VSTM1: variants seen among roughly 807,000 people sequenced by gnomAD.
VSTM1 encodes V-set and transmembrane domain containing 1, also known as V-set and transmembrane domain-containing protein 1.
A neutral mutation model predicts 33.1 loss-of-function variants in VSTM1; 27 were observed. The observed-to-expected ratio is 0.82, with a 90% confidence interval of 0.60 to 1.12. The LOEUF is 1.12. VSTM1 is among the 50% of genes most tolerant of loss of function. The pLI, the probability that VSTM1 is intolerant of heterozygous loss-of-function variation, is 0.00. For synonymous variants in VSTM1, 115 were observed against 110.3 expected (o/e 1.04, Z -0.27); for missense variants, 304 against 288.9 (o/e 1.05, Z -0.38).
At chr19:54,041,651 G>C (rs1274177491) in intron 8 of VSTM1, 128 bp downstream of exon 8, 2 of 1,090,676 alleles carry the variant, frequency 1.8e-6, no homozygotes, top group Non-Finnish European at 2.6e-6. Context: ...GGGGAGTTTC[G>C]TGACTTGTCT....
intron 4 of VSTM1, among the ~76,000 whole-genome samples, chr19:54,045,772 T>A (rs57745388): frequency 1.3e-5 from 2 of 151,910 alleles, no homozygotes; most frequent in South Asian, 4.1e-4. Flanking sequence ...TGTATCTATC[T>A]GTGTATCTGT....
intron 4 of VSTM1, among the ~76,000 whole-genome samples, chr19:54,045,741 T>C (rs2070547365): frequency 6.6e-6 from 1 of 152,194 alleles, no homozygotes; most frequent in Non-Finnish European, 1.5e-5. Flanking sequence ...CTTGCAACTC[T>C]ATCACCTATC....
chr19:54,042,106 C>CCAAT, intron 6 of VSTM1, 63 bp downstream of exon 6: 1 of 1,603,090 alleles, frequency 6.2e-7, no homozygotes, highest in Non-Finnish European at 8.5e-7. Flanking sequence ...CCCGGATGTG[C>CCAAT]CAATGGGTTC....
intron 4 of VSTM1, among the ~76,000 whole-genome samples, chr19:54,044,847 T>A (rs902859929): frequency 6.6e-6 from 1 of 151,774 alleles, no homozygotes; most frequent in South Asian, 2.1e-4. Flanking sequence ...TCCATGCAGT[T>A]CCCCCCCGTT....
chr19:54,049,607 C>T (rs184405375), intron 4 of VSTM1, among the ~76,000 whole-genome samples: 1 of 152,288 alleles, frequency 6.6e-6, no homozygotes, highest in Admixed American at 6.5e-5. Flanking sequence ...AGATCTCCCA[C>T]CTCGTTTCTG....
rs1555752477 is a variant in VSTM1 at position 54,042,818 on chromosome 19, A to ATATGTG, written c.395-450_395-449insCACATA. Among the ~76,000 whole-genome samples the ATATGTG allele has an allele frequency of 4.2e-3, 243 of 57,908 alleles. 1 individual carries two copies. The highest frequency in any genetic ancestry group is 0.038 in the Middle Eastern group (4 of 106). 38.0% of individuals were successfully genotyped at this position (57,908 alleles called of 152,430 possible). On this transcript the variant is annotated intron_variant, in intron 4 of 8. Transcript: ENST00000338372. ...TATATATAAATGTGTATATATATAT[A>ATATGTG]TATATATATATATATATATACATAT...
At chr19:54,051,977 T>G (rs1172706907) in intron 3 of VSTM1, among the ~76,000 whole-genome samples, 2 of 151,186 alleles carry the variant, frequency 1.3e-5, no homozygotes, top group Admixed American at 6.6e-5. Context: ...GCCAGGCTGG[T>G]CTCAAACTCC....
chr19:54,042,835 T>TATATATAC (rs2070383659), intron 4 of VSTM1, among the ~76,000 whole-genome samples: 2 of 75,760 alleles, frequency 2.6e-5, no homozygotes, highest in Admixed American at 3.3e-4. Flanking sequence ...TATATATATA[T>TATATATAC]ATACATATAT....
rs1302067914 is a variant in VSTM1 at position 54,055,455 on chromosome 19, T to C, written c.355+2851A>G. ...GTTACCTGTCGTGGAGACAGGAACA[T>C]AGAAAATGCTGGATACATGTCAAAT... On this transcript the variant is annotated intron_variant, in intron 3 of 8. Transcript: ENST00000338372. The C allele has an allele frequency of 2.1e-5, 3 of 142,320 alleles. 1 individual carries two copies. Among genetic ancestry groups the C allele is most frequent in the Admixed American group, 1.4e-4 (2 of 13,820 alleles). The allele number at this position is 142,320 out of a possible 1,614,324, so 8.8% of individuals were successfully genotyped here. A position where few individuals can be genotyped will look rare whatever the true frequency, so the allele number is the denominator to read the frequency against.
chr19:54,042,428 G>A (rs2070337961), intron 4 of VSTM1, 59 bp from the exon 5 acceptor site: 9 of 1,569,486 alleles, frequency 5.7e-6, no homozygotes, highest in East Asian at 2.3e-5. Flanking sequence ...ACTGATAGGG[G>A]CGAGCCGAAA....
At chr19:54,059,581 G>A (rs1299608509) in intron 1 of VSTM1, among the ~76,000 whole-genome samples, 5 of 151,158 alleles carry the variant, frequency 3.3e-5, no homozygotes, top group African/African-American at 4.9e-5. Flanking sequence ...AGTGATACTC[G>A]TACCTCAGGC....
At chr19:54,041,106 GA>G (rs1288479693) in intron 8 of VSTM1, 26 bp from the exon 9 acceptor site, 2 of 1,536,144 alleles carry the variant, frequency 1.3e-6, no homozygotes, top group Admixed American at 4.6e-5. Context: ...ATGAATATTA[GA>G]ACTGAGTGTT....
At position 54,058,206 on chromosome 19, in the gene VSTM1, C is replaced by T. The variant is rs949828482; in HGVS notation, c.355+100G>A. On this transcript the variant is annotated intron_variant, in intron 3 of 8. Coordinates refer to ENST00000338372, the MANE Select transcript of VSTM1 (RefSeq NM_198481.4). ...AGTGAGCCGAGATCGTGCCACTGCA[C>T]TCCAGCCTGGGAGACACAGCAAGAC... The T allele has an allele frequency of 1.9e-5, 26 of 1,338,750 alleles. No homozygotes were observed. In the South Asian group the frequency reaches 3.6e-4, roughly 18 times the overall value. The allele number at this position is 1,338,750 out of a possible 1,614,324, so 82.9% of individuals were successfully genotyped here. A position where few individuals can be genotyped will look rare whatever the true frequency, so the allele number is the denominator to read the frequency against.
At position 54,062,721 on chromosome 19, in the gene VSTM1, CA is replaced by C. The variant is rs35069136; in HGVS notation, c.34+1022del. On this transcript the variant is annotated intron_variant, in intron 1 of 8. Coordinates refer to ENST00000338372, the MANE Select transcript of VSTM1 (RefSeq NM_198481.4). Reference sequence around the variant, plus strand: ...CCTGGGAGACAAAGCAAGACTCTGTCAAAAAAAAAAAAAAATGCTCATCTAA... The same window carrying C: ...CCTGGGAGACAAAGCAAGACTCTGTCAAAAAAAAAAAAAATGCTCATCTAA... Among the ~76,000 whole-genome samples the C allele has an allele frequency of 9.1e-3, 1,234 of 135,320 alleles. 17 individuals are homozygous for C. The highest frequency in any genetic ancestry group is 0.029 in the African/African-American group (1,070 of 36,376). The allele number at this position is 135,320 out of a possible 152,430, so 88.8% of individuals were successfully genotyped here.
chr19:54,056,289 T>C (rs1182877316), intron 3 of VSTM1, among the ~76,000 whole-genome samples: 2 of 125,472 alleles, frequency 1.6e-5, no homozygotes, highest in African/African-American at 6.1e-5. Flanking sequence ...TGGCACGATC[T>C]TGGCTCACCG....
intron 3 of VSTM1, among the ~76,000 whole-genome samples, chr19:54,057,966 C>T (rs905725719): frequency 1.3e-5 from 2 of 151,098 alleles, no homozygotes; most frequent in Non-Finnish European, 3.0e-5. Flanking sequence ...TTAGGCCGGG[C>T]GCGGTGGCTC....
intron 3 of VSTM1, among the ~76,000 whole-genome samples, chr19:54,053,877 T>C (rs1377098678): frequency 7.0e-6 from 1 of 142,496 alleles, no homozygotes; most frequent in Non-Finnish European, 1.5e-5. Context: ...TATTTCTTTC[T>C]TTCTTCCAAA....
At chr19:54,059,798 T>A (rs926657465) in intron 1 of VSTM1, among the ~76,000 whole-genome samples, 17 of 151,132 alleles carry the variant, frequency 1.1e-4, no homozygotes, top group African/African-American at 4.1e-4. Context: ...CCCTTGCCAC[T>A]TAAATAATGC....
intron 1 of VSTM1, among the ~76,000 whole-genome samples, chr19:54,062,967 T>A (rs1448518682): frequency 6.6e-6 from 1 of 152,114 alleles, no homozygotes; most frequent in Admixed American, 6.6e-5. Flanking sequence ...CGTTTCACAG[T>A]GTGAGCTCTG....
Sources: allele counts gnomAD v4.1 joint callset (sites outside exome capture counted in the v4.1 genomes callset), GRCh38; gene constraint gnomAD v4.1.1; transcripts MANE v1.5; gene names NCBI Gene and HGNC (gene_info 2026-07-23, HGNC 2026-07-21).